The following SGK1 variants were observed in gnomAD, a reference collection of about 807,000 sequenced individuals.
SGK1 encodes the protein serum/glucocorticoid regulated kinase 1.
SGK1 carries 26 observed loss-of-function variants against 64.2 expected under a neutral mutation model. The observed-to-expected ratio is 0.40, with a 90% CI of 0.30 to 0.56. SGK1 has a LOEUF of 0.56. Ranked by LOEUF, SGK1 falls within the 20% of genes least tolerant of loss-of-function variation. The probability of loss-of-function intolerance (pLI) is 0.38; values close to 1 mark genes in which losing one functional copy is unlikely to be tolerated. For synonymous variants in SGK1, 265 were observed against 239.7 expected, an observed-to-expected ratio of 1.11 and a Z score of -0.98; for missense variants, 519 against 645.6, an observed-to-expected ratio of 0.80 and a Z score of 2.12.
intron 1 of SGK1, among the ~76,000 whole-genome samples, chr6:134,270,832 A>G (rs1394165010): frequency 6.8e-6 from 1 of 148,132 alleles, no homozygotes; most frequent in Admixed American, 6.9e-5. Flanking sequence ...TTCAGAGGAC[A>G]GTGCTTGCCT....
chr6:134,207,641 G>A (rs900273924), intron 2 of SGK1, among the ~76,000 whole-genome samples: 4 of 152,276 alleles, frequency 2.6e-5, no homozygotes, highest in East Asian at 3.9e-4. Context: ...TGGGCAAACC[G>A]GGACAGTTGG....
chr6:134,206,338 GATATATATATATATATATATATATATAT>G lies in SGK1; in HGVS notation c.361+990_361+1017del, dbSNP rs71003676. Among the ~76,000 whole-genome samples the G allele has an allele frequency of 4.0e-3, 131 of 32,752 alleles. 3 individuals are homozygous for G. The highest frequency in any genetic ancestry group is 6.8e-3 in the Non-Finnish European group (101 of 14,954). The allele number at this position is 32,752 out of a possible 152,430, so 21.5% of individuals were successfully genotyped here. The stretch of plus-strand genomic sequence containing the variant: ...CACAATCCACAAAGCTGTACCTGAT[GATATATATATATATATATATATATATAT>G]ATATATATATATATATATTTTTTTT... On this transcript the variant is annotated intron_variant, in intron 3 of 13. Coordinates refer to ENST00000367858, the MANE Select transcript of SGK1 (RefSeq NM_001143676.3).
At chr6:134,174,852 C>G in intron 3 of SGK1, 1 of 1,612,778 alleles carries the variant, frequency 6.2e-7, no homozygotes, top group South Asian at 1.1e-5. Flanking sequence ...CAAAGACCGG[C>G]TCGGCGTATG....
chr6:134,300,124 C>T (rs1320211236), intron 1 of SGK1, among the ~76,000 whole-genome samples: 1 of 152,074 alleles, frequency 6.6e-6, no homozygotes, highest in Non-Finnish European at 1.5e-5. Context: ...AACCTTATTA[C>T]TATGAGAAAG....
rs957935485 is a variant in SGK1 at position 134,304,258 on chromosome 6, A to G, written c.69+13134T>C. ...TGACACTGAATTCCTAATCCACAGA[A>G]TCATGAGTAAATAAATGACAGTAGC... On this transcript the variant is annotated intron_variant, in intron 1 of 13. Transcript: ENST00000367858. 4.6e-5 allele frequency among the ~76,000 whole-genome samples: 7 copies of G among 152,380 alleles called. No individual in the cohort carries two copies. The South Asian group carries it at 1.4e-3, about 32-fold the overall frequency.
At position 134,176,053 on chromosome 6, in the gene SGK1, T is replaced by C. The variant is rs1775225082; in HGVS notation, c.362-1467A>G. ...CATTTTGTCCGTTCCGCATGTAATT[T>C]TTTTCCTTGCATTTTTAATCTCTGC... On this transcript the variant is annotated intron_variant, in intron 3 of 13. Coordinates refer to ENST00000367858, the MANE Select transcript of SGK1 (RefSeq NM_001143676.3). 6 of 934,526 alleles carry C rather than the reference T, an allele frequency of 6.4e-6. No homozygotes were observed. The South Asian group carries it at 2.5e-4, about 38-fold the overall frequency. 57.9% of individuals were successfully genotyped at this position (934,526 alleles called of 1,614,324 possible). A position where few individuals can be genotyped will look rare whatever the true frequency, so the allele number is the denominator to read the frequency against.
At chr6:134,220,866 C>T (rs1425804986) in intron 2 of SGK1, among the ~76,000 whole-genome samples, 3 of 151,606 alleles carry the variant, frequency 2.0e-5, no homozygotes, top group Admixed American at 1.3e-4. Context: ...CCTGTAGTTT[C>T]GGCTACTCTG....
At chr6:134,206,973 C>T (rs926264745) in intron 3 of SGK1, among the ~76,000 whole-genome samples, 8 of 151,808 alleles carry the variant, frequency 5.3e-5, no homozygotes, top group African/African-American at 1.5e-4. Flanking sequence ...CGCCTGTAAT[C>T]CCAGCACTTT....
chr6:134,293,266 C>T (rs867498883), intron 1 of SGK1, among the ~76,000 whole-genome samples: 4 of 152,148 alleles, frequency 2.6e-5, no homozygotes, highest in Non-Finnish European at 5.9e-5. Flanking sequence ...GATAACATTG[C>T]AAAGGAGTAT....
intron 1 of SGK1, among the ~76,000 whole-genome samples, chr6:134,278,396 A>G (rs1335453403): frequency 1.3e-5 from 2 of 152,238 alleles, no homozygotes; most frequent in African/African-American, 4.8e-5. Context: ...AGCGCTGTAC[A>G]TTGCTTAATT....
intron 1 of SGK1, among the ~76,000 whole-genome samples, chr6:134,314,494 T>C (rs2114805780): frequency 6.6e-6 from 1 of 152,364 alleles, no homozygotes; most frequent in Non-Finnish European, 1.5e-5. Flanking sequence ...TTTTTAGTTA[T>C]GTGACCTTGG....
At chr6:134,241,385 C>T (rs1388551989) in intron 2 of SGK1, among the ~76,000 whole-genome samples, 2 of 152,006 alleles carry the variant, frequency 1.3e-5, no homozygotes, top group African/African-American at 2.4e-5. Flanking sequence ...GATGGAGTCT[C>T]GCTTTGTTTT....
Position 134,184,830 on chromosome 6 carries a change from T to C in SGK1, c.362-10244A>G, listed in dbSNP as rs535523194. 5.9e-5 allele frequency among the ~76,000 whole-genome samples: 9 copies of C among 152,178 alleles called. 1 individual carries two copies. The highest frequency in any genetic ancestry group is 2.2e-4 in the African/African-American group (9 of 41,526). On this transcript the variant is annotated intron_variant, in intron 3 of 13. Transcript: ENST00000367858. ...TCTCTAGTAGTTGGGACCACAGGTG[T>C]GTGCCACCATGCCTGGCTTATATTT...
intron 4 of SGK1, 124 bp downstream of exon 4, chr6:134,174,387 A>G (rs1775139690): frequency 1.5e-6 from 1 of 673,420 alleles, no homozygotes; most frequent in East Asian, 2.7e-5. Flanking sequence ...TTAGAATTTA[A>G]GGAGAAATGA....
Position 134,172,730 on chromosome 6 carries a change from C to G in SGK1, c.879G>C (p.Arg293=), listed in dbSNP as rs139126211. 2 of 1,614,090 alleles carry G rather than the reference C, an allele frequency of 1.2e-6. No homozygotes were observed. The highest frequency in any genetic ancestry group is 1.7e-5 in the Admixed American group (1 of 60,008). Residue 293 remains arginine, a synonymous_variant, in exon 9 of 14, where the codon CGG becomes CGC. Transcript: ENST00000367858. ...CTATTTCAGCAGCATAGAAACGAGC[C>G]CGTGGTTCCAGGAAGCAGCGTTCCC... ...LQRERCFLEP[R]ARFYAAEIAS...
At chr6:134,260,623 G>C (rs537728294) in intron 2 of SGK1, 1 of 147,490 alleles carries the variant, frequency 6.8e-6, no homozygotes, top group Non-Finnish European at 1.5e-5. Flanking sequence ...AGTGAGCCGA[G>C]ATCGTGCCAT....
intron 2 of SGK1, among the ~76,000 whole-genome samples, chr6:134,213,767 T>C (rs557196339): frequency 6.6e-6 from 1 of 152,226 alleles, no homozygotes; most frequent in South Asian, 2.1e-4. Flanking sequence ...TGGTTCTTTC[T>C]TTCTTTCCCT....
At chr6:134,208,748 A>G (rs61215760) in intron 2 of SGK1, among the ~76,000 whole-genome samples, 15 of 56,974 alleles carry the variant, frequency 2.6e-4, no homozygotes, top group South Asian at 1.4e-3. Context: ...ATGTATGCGT[A>G]TATATATATA....
intron 2 of SGK1, among the ~76,000 whole-genome samples, chr6:134,254,924 A>G (rs1036638691): frequency 1.4e-4 from 22 of 151,946 alleles, no homozygotes; most frequent in Non-Finnish European, 1.0e-4. Flanking sequence ...GTTAGAGTGC[A>G]GTGGCGCCAT....
Sources: gnomAD v4.1 joint callset for allele counts (sites outside exome capture counted in the v4.1 genomes callset) on GRCh38, gnomAD v4.1.1 for gene constraint, MANE v1.5 for transcripts, NCBI Gene and HGNC (gene_info 2026-07-23, HGNC 2026-07-21) for gene names.